LLGL2: variants seen among roughly 807,000 people sequenced by gnomAD.
LLGL2 encodes LLGL scribble cell polarity complex component 2.
Under a neutral mutation model 123.2 loss-of-function variants are expected in LLGL2, and 81 were observed. The ratio of observed to expected loss-of-function variants is 0.66; its 90% CI spans 0.55 to 0.79. The LOEUF is 0.79. LLGL2 is among the 30% of genes least tolerant of loss of function. The pLI is 0.00. For missense variants in LLGL2, 1,273 were observed against 1,414.6 expected, an observed-to-expected ratio of 0.90 and a Z score of 1.61; for synonymous variants, 577 against 594.1, an observed-to-expected ratio of 0.97 and a Z score of 0.42.
At chr17:75,560,812 A>T (rs1197971056) in intron 6 of LLGL2, among the ~76,000 whole-genome samples, 8 of 65,296 alleles carry the variant, frequency 1.2e-4, no homozygotes, top group African/African-American at 3.5e-4. Context: ...TAAAAAAAAA[A>T]AAAAAAAAAA....
intron 2 of LLGL2, 96 bp downstream of exon 2, chr17:75,543,597 T>A (rs531387838): frequency 2.2e-6 from 2 of 909,610 alleles, no homozygotes; most frequent in Non-Finnish European, 3.3e-6. Flanking sequence ...AAGGTATAGC[T>A]CTTATGTGAC....
intron 3 of LLGL2, among the ~76,000 whole-genome samples, chr17:75,556,678 C>A (rs959446117): frequency 6.6e-6 from 1 of 152,196 alleles, no homozygotes; most frequent in African/African-American, 2.4e-5. Flanking sequence ...CCTTCTGTGC[C>A]CCTGCCTCCC....
intron 17 of LLGL2, among the ~76,000 whole-genome samples, 174 bp downstream of exon 17, chr17:75,571,274 CCT>C (rs2055696394): frequency 6.6e-6 from 1 of 152,194 alleles, no homozygotes; most frequent in African/African-American, 2.4e-5. Flanking sequence ...CCTGCCTCAG[CCT>C]CTGAGTCAGC....
chr17:75,537,983 G>C (rs1260264235), intron 1 of LLGL2, among the ~76,000 whole-genome samples: 1 of 151,974 alleles, frequency 6.6e-6, no homozygotes, highest in East Asian at 1.9e-4. Flanking sequence ...CTAATTTTTT[G>C]TCTTTTTAGT....
intron 3 of LLGL2, among the ~76,000 whole-genome samples, chr17:75,556,881 T>C (rs2054936129): frequency 1.3e-5 from 2 of 152,066 alleles, no homozygotes; most frequent in South Asian, 4.1e-4. Context: ...TTTTAAAAGT[T>C]ATCAGGGCGT....
At chr17:75,533,884 G>A (rs1044565807) in intron 1 of LLGL2, among the ~76,000 whole-genome samples, 1 of 152,240 alleles carries the variant, frequency 6.6e-6, no homozygotes, top group Non-Finnish European at 1.5e-5. Context: ...TTTGAGCAAA[G>A]CTTTGAAGGA....
At chr17:75,569,939 T>C in intron 14 of LLGL2, 24 bp from the exon 15 acceptor site, 1 of 1,557,428 alleles carries the variant, frequency 6.4e-7, no homozygotes, top group Admixed American at 1.8e-5. Flanking sequence ...GAGGGCTTGC[T>C]GAGCCACCTG....
At chr17:75,529,844 A>G (rs1035759857) in intron 1 of LLGL2, among the ~76,000 whole-genome samples, 8 of 152,084 alleles carry the variant, frequency 5.3e-5, no homozygotes, top group Non-Finnish European at 1.2e-4. Context: ...CTGGTGACAG[A>G]GCAAGACTCC....
intron 1 of LLGL2, among the ~76,000 whole-genome samples, chr17:75,540,086 T>C (rs60056143): frequency 0.15 from 22,953 of 152,174 alleles, 2,142 homozygotes; most frequent in African/African-American, 0.25. Context: ...GGAGGCCATG[T>C]GGCTTGGGGG....
chr17:75,566,854 C>G (rs992047733), intron 10 of LLGL2, among the ~76,000 whole-genome samples: 1 of 152,092 alleles, frequency 6.6e-6, no homozygotes, highest in African/African-American at 2.4e-5. Context: ...AAGGGAGATG[C>G]TGAGTAGACA....
chr17:75,573,696 G>C lies in LLGL2; in HGVS notation c.2876+65G>C, dbSNP rs1018017268. 4.2e-6 allele frequency: 4 copies of C among 961,458 alleles called. No individual in the cohort carries two copies. In the African/African-American group the frequency reaches 1.5e-4, roughly 37 times the overall value. The allele number at this position is 961,458 out of a possible 1,614,324, so 59.6% of individuals were successfully genotyped here. A position where few individuals can be genotyped will look rare whatever the true frequency, so the allele number is the denominator to read the frequency against. On this transcript the variant is annotated intron_variant, in intron 21 of 25. Transcript: ENST00000392550. ...CCCTCCCTGCCCTCTCTGAGATACC[G>C]AGGCTCCCACTGCTGCCTGGCTGGA...
chr17:75,530,409 G>A lies in LLGL2; in HGVS notation c.-31+4584G>A, dbSNP rs555333873. Among the ~76,000 whole-genome samples, 228 of 152,260 alleles carry A rather than the reference G, an allele frequency of 1.5e-3. 1 individual carries two copies. Among genetic ancestry groups the A allele is most frequent in the Non-Finnish European group, 2.7e-3 (185 of 68,026 alleles). On this transcript the variant is annotated intron_variant, in intron 1 of 25. Transcript: ENST00000392550. Reference sequence around the variant, plus strand: ...CTCACGCCTGTAATTCCAGCACTTTGGGAGGCCGAGGCAGGCGGATCACGA... The same window carrying A: ...CTCACGCCTGTAATTCCAGCACTTTAGGAGGCCGAGGCAGGCGGATCACGA...
At chr17:75,560,802 T>TA (rs372940306) in intron 6 of LLGL2, among the ~76,000 whole-genome samples, 18,977 of 94,312 alleles carry the variant, frequency 0.2, 3,589 homozygotes, top group Non-Finnish European at 0.31. Context: ...GTTTATTTAT[T>TA]AAAAAAAAAA....
At chr17:75,557,941 T>C (rs865787431) in intron 3 of LLGL2, 13 of 634,554 alleles carry the variant, frequency 2.0e-5, no homozygotes, top group Middle Eastern at 3.0e-4. Context: ...CTGGGAAAAA[T>C]CTCCCAGGGA....
At position 75,535,768 on chromosome 17, in the gene LLGL2, G is replaced by T. The variant is rs139895929; in HGVS notation, c.-30-7629G>T. On this transcript the variant is annotated intron_variant, in intron 1 of 25. Transcript: ENST00000392550. Reference sequence around the variant, plus strand: ...TTCTTGAGCTCTTGAGATGGAAGGCGGGCCAGGGTGTGGATTTTGTGGCCT... The same window carrying T: ...TTCTTGAGCTCTTGAGATGGAAGGCTGGCCAGGGTGTGGATTTTGTGGCCT... Among the ~76,000 whole-genome samples, 5 of 152,322 alleles carry T rather than the reference G, an allele frequency of 3.3e-5. No individual in the cohort carries two copies. In the East Asian group the frequency reaches 9.6e-4, roughly 29 times the overall value.
At chr17:75,555,660 G>T (rs554302821) in intron 2 of LLGL2, among the ~76,000 whole-genome samples, 2 of 152,038 alleles carry the variant, frequency 1.3e-5, no homozygotes, top group African/African-American at 4.8e-5. Context: ...CCGAGAGACC[G>T]GTGTCTCCAT....
chr17:75,574,096 C>A, intron 22 of LLGL2, 116 bp downstream of exon 22: 1 of 1,546,578 alleles, frequency 6.5e-7, no homozygotes, highest in Non-Finnish European at 8.7e-7. Flanking sequence ...GGAATAGAGA[C>A]GGCATTCCTT....
rs748350453 is a variant in LLGL2, at chr17:75,573,636, G to A, written c.2876+5G>A. The stretch of plus-strand genomic sequence containing the variant: ...GAAGGCCCCGAGCCGAGCCAGGTGA[G>A]TGAAAGGGCCAGAGGCCTCTCCCGC... On this transcript the variant is annotated splice_donor_5th_base_variant and intron_variant, in intron 21 of 25. Transcript: ENST00000392550. 1.1e-5 allele frequency: 18 copies of A among 1,606,392 alleles called. No individual in the cohort carries two copies. The South Asian group carries it at 1.6e-4, about 15-fold the overall frequency.
chr17:75,552,587 A>G (rs916908801), intron 2 of LLGL2, among the ~76,000 whole-genome samples: 2 of 152,236 alleles, frequency 1.3e-5, no homozygotes, highest in South Asian at 2.1e-4. Context: ...TGAATGCTCA[A>G]TTTGTGAAAT....
Sources: gnomAD v4.1 joint callset for allele counts (sites outside exome capture counted in the v4.1 genomes callset) on GRCh38, gnomAD v4.1.1 for gene constraint, MANE v1.5 for transcripts, NCBI Gene and HGNC (gene_info 2026-07-23, HGNC 2026-07-21) for gene names.